PDE1C: variants seen among roughly 807,000 people sequenced by gnomAD.
The protein encoded by PDE1C is dual specificity calcium/calmodulin-dependent 3',5'-cyclic nucleotide phosphodiesterase 1C.
A neutral mutation model predicts 93.1 loss-of-function variants in PDE1C; 62 were observed. The observed-to-expected ratio is 0.67, with a 90% CI of 0.54 to 0.82. The LOEUF (loss-of-function observed/expected upper bound fraction) is 0.82, where lower values mean the gene tolerates loss of function less well. Ranked by LOEUF, PDE1C falls within the 40% of genes least tolerant of loss-of-function variation. The pLI is 0.00. For synonymous variants in PDE1C, 325 were observed against 310.1 expected (o/e 1.05, Z -0.50); for missense variants, 742 against 884.6 (o/e 0.84, Z 2.04).
intron 1 of PDE1C, among the ~76,000 whole-genome samples, chr7:32,227,857 A>C (rs1370473215): frequency 6.6e-6 from 1 of 152,216 alleles, no homozygotes; most frequent in Middle Eastern, 3.2e-3. Flanking sequence ...ACATGCAAGC[A>C]GCCCTGGGGA....
chr7:32,422,374 G>A (rs1785449798), intron 1 of PDE1C, among the ~76,000 whole-genome samples: 1 of 152,120 alleles, frequency 6.6e-6, no homozygotes, highest in Non-Finnish European at 1.5e-5. Context: ...ATATGTGCAA[G>A]TTTGTTACCT....
chr7:32,132,612 G>C (rs1799982996), intron 3 of PDE1C, among the ~76,000 whole-genome samples: 1 of 152,122 alleles, frequency 6.6e-6, no homozygotes, highest in Admixed American at 6.5e-5. Context: ...GCTGCAGTGA[G>C]CCATGATCAG....
intron 2 of PDE1C, among the ~76,000 whole-genome samples, chr7:31,897,059 C>A (rs538954100): frequency 6.6e-6 from 1 of 152,326 alleles, no homozygotes; most frequent in Admixed American, 6.5e-5. Context: ...CTGATGTGCG[C>A]TTAGACTCTC....
the PDE1C span, chr7:31,651,849 A>G: frequency 2.4e-6 from 2 of 842,568 alleles, no homozygotes; most frequent in South Asian, 3.5e-5. Flanking sequence ...AAGAAATTGC[A>G]AAGGAAGAAC....
intron 2 of PDE1C, among the ~76,000 whole-genome samples, chr7:32,201,059 G>A (rs1804975955): frequency 6.6e-6 from 1 of 152,186 alleles, no homozygotes; most frequent in South Asian, 2.1e-4. Context: ...ATGCAGCATA[G>A]CTGCAAAATC....
the PDE1C span, chr7:31,695,742 C>A: frequency 1.1e-6 from 1 of 878,364 alleles, no homozygotes; most frequent in Non-Finnish European, 1.7e-6. Flanking sequence ...CACTCCCCAC[C>A]TCTGTATCTC....
At chr7:32,045,158 T>C (rs1283213020) in intron 2 of PDE1C, among the ~76,000 whole-genome samples, 1 of 150,126 alleles carries the variant, frequency 6.7e-6, no homozygotes, top group Non-Finnish European at 1.5e-5. Flanking sequence ...GCCTGTACTC[T>C]GAACTCTGAT....
At chr7:32,027,021 G>A (rs1214203158) in intron 2 of PDE1C, among the ~76,000 whole-genome samples, 2 of 152,272 alleles carry the variant, frequency 1.3e-5, no homozygotes, top group East Asian at 3.9e-4. Flanking sequence ...AGGAGGAAAA[G>A]TTGAATAGGC....
chr7:31,945,399 G>A (rs1324197520), intron 2 of PDE1C, among the ~76,000 whole-genome samples: 7 of 152,026 alleles, frequency 4.6e-5, no homozygotes, highest in African/African-American at 1.7e-4. Context: ...AACATCTCTT[G>A]AAGAAAAAGT....
At chr7:32,363,652 A>G (rs1395968026) in intron 1 of PDE1C, among the ~76,000 whole-genome samples, 1 of 152,230 alleles carries the variant, frequency 6.6e-6, no homozygotes, top group Non-Finnish European at 1.5e-5. Context: ...TGGCATATCA[A>G]TTTCATTTAA....
At chr7:32,408,343 C>A (rs1785099281) in intron 1 of PDE1C, among the ~76,000 whole-genome samples, 1 of 152,122 alleles carries the variant, frequency 6.6e-6, no homozygotes, top group Non-Finnish European at 1.5e-5. Context: ...TGAGTGCAGG[C>A]AACCACACAC....
At chr7:32,081,097 A>G (rs1018501586) in intron 3 of PDE1C, among the ~76,000 whole-genome samples, 2 of 152,224 alleles carry the variant, frequency 1.3e-5, no homozygotes, top group Admixed American at 1.3e-4. Context: ...CAGTACCGCC[A>G]TGGAAACAGG....
intron 2 of PDE1C, among the ~76,000 whole-genome samples, chr7:31,895,127 A>C (rs1375976342): frequency 6.6e-6 from 1 of 152,180 alleles, no homozygotes; most frequent in Non-Finnish European, 1.5e-5. Flanking sequence ...GCTCCTAGGC[A>C]GGAAGGAGGA....
At chr7:32,112,802 A>ATGTGTGTGTG (rs1483362960) in intron 3 of PDE1C, among the ~76,000 whole-genome samples, 1 of 98,630 alleles carries the variant, frequency 1.0e-5, no homozygotes. Flanking sequence ...ATATATACAT[A>ATGTGTGTGTG]TATGTGTGTG....
At chr7:31,896,133 A>G (rs542265215) in intron 2 of PDE1C, among the ~76,000 whole-genome samples, 29 of 152,238 alleles carry the variant, frequency 1.9e-4, no homozygotes, top group African/African-American at 2.4e-4. Context: ...ATCTGAATAA[A>G]TCTGGCCCTG....
At chr7:31,722,261 T>C in the PDE1C span, among the ~76,000 whole-genome samples, 6 of 152,194 alleles carry the variant, frequency 3.9e-5, no homozygotes, top group Non-Finnish European at 7.3e-5. Context: ...TCCCACTTCA[T>C]GCTCAAACAC....
chr7:32,011,807 G>A (rs371819400), intron 2 of PDE1C, among the ~76,000 whole-genome samples: 4 of 152,162 alleles, frequency 2.6e-5, no homozygotes, highest in South Asian at 4.1e-4. Flanking sequence ...ATATGATGTA[G>A]CCATTCCACT....
chr7:31,646,911 ACAT>A, the PDE1C span, among the ~76,000 whole-genome samples: 6 of 152,202 alleles, frequency 3.9e-5, no homozygotes, highest in African/African-American at 1.4e-4. Context: ...AGTTGATTTG[ACAT>A]CATACACCTG....
At chr7:31,660,542 T>C in the PDE1C span, among the ~76,000 whole-genome samples, 1 of 152,214 alleles carries the variant, frequency 6.6e-6, no homozygotes, top group African/African-American at 2.4e-5. Context: ...TATTTTTCTG[T>C]TTTGGTTTGA....
Sources: gnomAD v4.1 joint callset for allele counts (sites outside exome capture counted in the v4.1 genomes callset) on GRCh38, gnomAD v4.1.1 for gene constraint, MANE v1.5 for transcripts, NCBI Gene and HGNC (gene_info 2026-07-23, HGNC 2026-07-21) for gene names.